CDC42BPA: variants seen among roughly 807,000 people sequenced by gnomAD.
CDC42BPA encodes CDC42 binding protein kinase alpha.
A neutral mutation model predicts 223.5 loss-of-function variants in CDC42BPA; 80 were observed. That is an observed-to-expected ratio of 0.36 (90% CI 0.30 to 0.43). The LOEUF is 0.43. Ranked by LOEUF, CDC42BPA falls within the 20% of genes least tolerant of loss-of-function variation. CDC42BPA has a pLI of 1.00. For missense variants in CDC42BPA, 1,743 were observed against 2,099.9 expected, an observed-to-expected ratio of 0.83 and a Z score of 3.32; for synonymous variants, 694 against 718.6, an observed-to-expected ratio of 0.97 and a Z score of 0.55.
intron 5 of CDC42BPA, among the ~76,000 whole-genome samples, chr1:227,162,957 T>C (rs1664243109): frequency 6.7e-6 from 1 of 148,536 alleles, no homozygotes; most frequent in African/African-American, 2.5e-5. Context: ...AACATATATG[T>C]TTCCAAACGT....
At chr1:227,060,062 C>T (rs1214078876) in intron 21 of CDC42BPA, among the ~76,000 whole-genome samples, 5 of 125,256 alleles carry the variant, frequency 4.0e-5, no homozygotes, top group East Asian at 5.0e-4. Flanking sequence ...ACGGGAGTCT[C>T]GCTCTGTCGC....
intron 2 of CDC42BPA, among the ~76,000 whole-genome samples, chr1:227,229,609 T>C (rs938776689): frequency 2.0e-5 from 3 of 152,236 alleles, no homozygotes; most frequent in African/African-American, 7.2e-5. Context: ...TACTGCCATC[T>C]TAAAAATATT....
chr1:227,120,942 A>C (rs1451840106), intron 11 of CDC42BPA, among the ~76,000 whole-genome samples: 1 of 152,176 alleles, frequency 6.6e-6, no homozygotes, highest in Non-Finnish European at 1.5e-5. Context: ...GATTCTCATA[A>C]GAGGCATGCA....
rs776784657 is a variant in CDC42BPA, at chr1:227,317,175, C to T, written c.8G>A (p.Gly3Glu). MS[G>E]EVRLRQLEQF... ...CTCCAACTGCCTCAAACGCACTTCTCCAGACATGTTTGCTTCGATTTCTGC... is the reference window on the plus strand; with the variant it reads ...CTCCAACTGCCTCAAACGCACTTCTTCAGACATGTTTGCTTCGATTTCTGC... Residue 3 changes from glycine (G) to glutamate (E), a missense_variant, in exon 1 of 37, where the codon GGA becomes GAA. Transcript: ENST00000366766. 10 of 1,606,940 alleles carry T rather than the reference C, an allele frequency of 6.2e-6. No homozygotes were observed. In the African/African-American group the frequency reaches 1.1e-4, roughly 17 times the overall value.
chr1:227,002,596 T>TC (rs1281734815), intron 35 of CDC42BPA, among the ~76,000 whole-genome samples: 1 of 152,140 alleles, frequency 6.6e-6, no homozygotes, highest in African/African-American at 2.4e-5. Flanking sequence ...ACTGAAGAAG[T>TC]GGTGATACAG....
At chr1:227,244,493 G>GT (rs1191176390) in intron 2 of CDC42BPA, among the ~76,000 whole-genome samples, 1 of 86,492 alleles carries the variant, frequency 1.2e-5, no homozygotes, top group African/African-American at 4.7e-5. Context: ...TATTCACATG[G>GT]TGGGGGGGGG....
intron 25 of CDC42BPA, 53 bp from the exon 26 acceptor site, chr1:227,034,847 C>T (rs1189766418): frequency 2.0e-6 from 3 of 1,491,136 alleles, no homozygotes; most frequent in Non-Finnish European, 2.7e-6. Flanking sequence ...ATGAAAATAT[C>T]CCTTAAATTA....
intron 34 of CDC42BPA, among the ~76,000 whole-genome samples, chr1:227,007,950 G>A (rs1203335504): frequency 6.6e-6 from 1 of 152,114 alleles, no homozygotes; most frequent in African/African-American, 2.4e-5. Flanking sequence ...ACTGTTGGTA[G>A]GCACACCCTC....
At chr1:227,075,279 G>A (rs565297830) in intron 17 of CDC42BPA, among the ~76,000 whole-genome samples, 7 of 152,300 alleles carry the variant, frequency 4.6e-5, no homozygotes, top group African/African-American at 1.7e-4. Flanking sequence ...GGTCACTGAA[G>A]CTATGAGGAA....
chr1:227,255,426 T>A (rs1341021983), intron 1 of CDC42BPA, among the ~76,000 whole-genome samples: 1 of 145,052 alleles, frequency 6.9e-6, no homozygotes, highest in Non-Finnish European at 1.5e-5. Context: ...TTTCTGTATT[T>A]GTGTTTTGTA....
At chr1:227,205,233 C>T (rs1280975576) in intron 3 of CDC42BPA, among the ~76,000 whole-genome samples, 3 of 144,220 alleles carry the variant, frequency 2.1e-5, no homozygotes, top group Non-Finnish European at 4.5e-5. Context: ...CTAGCCACTG[C>T]ACTCCAGCCT....
rs1034202443 is a variant in CDC42BPA at position 227,223,141 on chromosome 1, G to C, written c.271-9922C>G. ...ACGTATGTTAAAAGTTTTTTTAAAT[G>C]AAGTGGCTGACACCTGAGTCTTACA... is the stretch of plus-strand genomic sequence containing the variant. On this transcript the variant is annotated intron_variant, in intron 2 of 36. Coordinates refer to ENST00000366766, the MANE Select transcript of CDC42BPA (RefSeq NM_001394014.1). Among the ~76,000 whole-genome samples, 4 of 152,142 alleles carry C rather than the reference G, an allele frequency of 2.6e-5. No homozygotes were observed. The South Asian group carries it at 6.2e-4, about 24-fold the overall frequency.
chr1:227,017,516 T>C (rs920453380), intron 32 of CDC42BPA, among the ~76,000 whole-genome samples: 1 of 152,194 alleles, frequency 6.6e-6, no homozygotes, highest in Non-Finnish European at 1.5e-5. Flanking sequence ...CAACTATCTT[T>C]ACATAATAAA....
At chr1:227,051,054 TTAAA>T (rs1673438336) in intron 22 of CDC42BPA, among the ~76,000 whole-genome samples, 1 of 152,188 alleles carries the variant, frequency 6.6e-6, no homozygotes, top group Non-Finnish European at 1.5e-5. Context: ...TCTCATTAAC[TTAAA>T]CAATTTGGGG....
At position 227,204,238 on chromosome 1, in the gene CDC42BPA, T is replaced by C. The variant is rs1672284322; in HGVS notation, c.355-4586A>G. ...GCATCAATTCACTTTTAAGTCTTCA[T>C]TTTAATATATATTTCATGGCCAAAT... On this transcript the variant is annotated intron_variant, in intron 3 of 36. Coordinates refer to ENST00000366766, the MANE Select transcript of CDC42BPA (RefSeq NM_001394014.1). Among the ~76,000 whole-genome samples, 5 of 152,192 alleles carry C rather than the reference T, an allele frequency of 3.3e-5. No individual in the cohort carries two copies. In the South Asian group the frequency reaches 8.3e-4, roughly 25 times the overall value.
chr1:227,196,864 C>T (rs538318369), intron 4 of CDC42BPA, among the ~76,000 whole-genome samples: 13 of 152,102 alleles, frequency 8.5e-5, no homozygotes, highest in South Asian at 6.2e-4. Flanking sequence ...AAGTACAGAA[C>T]GAACAAATTT....
chr1:227,156,118 T>C (rs1171974858), intron 6 of CDC42BPA, among the ~76,000 whole-genome samples: 4 of 78,102 alleles, frequency 5.1e-5, no homozygotes, highest in Non-Finnish European at 1.2e-4. Context: ...TTCTTCATTA[T>C]AGTTTTTTTT....
At chr1:227,314,050 C>A (rs970155379) in intron 1 of CDC42BPA, among the ~76,000 whole-genome samples, 1 of 151,922 alleles carries the variant, frequency 6.6e-6, no homozygotes, top group African/African-American at 2.4e-5. Flanking sequence ...CCCAAAATTC[C>A]AATTTCCCAT....
chr1:227,174,167 A>G (rs1479819837), intron 5 of CDC42BPA, among the ~76,000 whole-genome samples: 2 of 152,182 alleles, frequency 1.3e-5, no homozygotes, highest in African/African-American at 4.8e-5. Flanking sequence ...TTACTGGAAC[A>G]TAGCCCACTG....
Sources: allele counts gnomAD v4.1 joint callset (sites outside exome capture counted in the v4.1 genomes callset), GRCh38; gene constraint gnomAD v4.1.1; transcripts MANE v1.5; gene names NCBI Gene and HGNC (gene_info 2026-07-23, HGNC 2026-07-21).